The following FAM177B variants were observed in gnomAD, a reference collection of about 807,000 sequenced individuals.
The protein encoded by FAM177B is protein FAM177B.
A neutral mutation model predicts 16.1 loss-of-function variants in FAM177B; 16 were observed. The ratio of observed to expected loss-of-function variants is 0.99; its 90% confidence interval spans 0.67 to 1.51. The LOEUF (loss-of-function observed/expected upper bound fraction) is 1.51. Ranked by LOEUF, FAM177B falls within the 40% of genes most tolerant of loss-of-function variation. FAM177B has a pLI of 0.00. For missense variants in FAM177B, 178 were observed against 183.7 expected (o/e 0.97, Z 0.18); for synonymous variants, 56 against 59.9 (o/e 0.93, Z 0.30).
intron 2 of FAM177B, among the ~76,000 whole-genome samples, chr1:222,739,444 G>T (rs1026478264): frequency 6.6e-6 from 1 of 152,122 alleles, no homozygotes; most frequent in Non-Finnish European, 1.5e-5. Flanking sequence ...TGAACATTGG[G>T]ATGACCTGGG....
Position 222,746,633 on chromosome 1 carries a change from G to A in FAM177B, c.88G>A (p.Asp30Asn). 1 of 1,612,814 alleles carries A rather than the reference G, an allele frequency of 6.2e-7. No homozygotes were observed. The highest frequency in any genetic ancestry group is 8.5e-7 in the Non-Finnish European group (1 of 1,178,840). ...TTPKRIIHFV[D>N]GDIMEEYSTE... Reference sequence around the variant, plus strand: ...TCCTAAAAGGATTATCCATTTTGTTGACGGAGACATCATGGAAGAATATAG... The same window carrying A: ...TCCTAAAAGGATTATCCATTTTGTTAACGGAGACATCATGGAAGAATATAG... Residue 30 changes from aspartate (D) to asparagine (N), a missense_variant, in exon 3 of 6, where the codon GAC becomes AAC. By Grantham distance (23) the Asp-to-Asn change is conservative. Transcript: ENST00000445590.
chr1:222,746,656 T>C lies in FAM177B; in HGVS notation c.111T>C (p.Tyr37=), dbSNP rs138554889. Residue 37 remains tyrosine, a synonymous_variant, in exon 3 of 6, where the codon TAT becomes TAC. Coordinates refer to ENST00000445590, the MANE Select transcript of FAM177B (RefSeq NM_001394345.1). ...TTGACGGAGACATCATGGAAGAATA[T>C]AGCACAGAGGAGGAGGAGGAAGAGG... ...HFVDGDIMEE[Y]STEEEEEEEK... The C allele has an allele frequency of 3.1e-4, 499 of 1,613,612 alleles. No homozygotes were observed. Among genetic ancestry groups the C allele is most frequent in the Non-Finnish European group, 4.1e-4 (483 of 1,179,708 alleles).
At chr1:222,743,549 T>C (rs1658647684) in intron 2 of FAM177B, among the ~76,000 whole-genome samples, 4 of 152,170 alleles carry the variant, frequency 2.6e-5, no homozygotes, top group Admixed American at 2.6e-4. Context: ...CAGAGTTCAG[T>C]GGATTACACT....
At chr1:222,748,434 G>A (rs1284489359) in intron 4 of FAM177B, among the ~76,000 whole-genome samples, 1 of 152,146 alleles carries the variant, frequency 6.6e-6, no homozygotes, top group African/African-American at 2.4e-5. Flanking sequence ...GGTGAGCCTA[G>A]CTTCCTTGTG....
At chr1:222,749,893 A>G (rs771228743) in intron 5 of FAM177B, 28 bp from the exon 6 acceptor site, 6 of 1,612,966 alleles carry the variant, frequency 3.7e-6, no homozygotes, top group Non-Finnish European at 8.5e-7. Context: ...TGTACAGTTA[A>G]ACATTTCCTT....
rs139999015 is a variant in FAM177B at position 222,738,242 on chromosome 1, A to G, written c.-16+221A>G. On this transcript the variant is annotated intron_variant, in intron 2 of 5. Transcript: ENST00000445590. ...GGATAGTATTGAAAGCCACAGGGCCAAAGGAGATCATCAAGAAAGCAGATA... is the reference window on the plus strand; with the variant it reads ...GGATAGTATTGAAAGCCACAGGGCCGAAGGAGATCATCAAGAAAGCAGATA... 1.5e-3 allele frequency among the ~76,000 whole-genome samples: 226 copies of G among 152,316 alleles called. 6 individuals are homozygous for G. In the South Asian group the frequency reaches 0.021, roughly 14 times the overall value.
At chr1:222,748,496 T>C (rs1658902325) in intron 4 of FAM177B, among the ~76,000 whole-genome samples, 1 of 152,096 alleles carries the variant, frequency 6.6e-6, no homozygotes, top group Admixed American at 6.5e-5. Flanking sequence ...GGCTTCAAGA[T>C]TGTAGTGGAG....
intron 2 of FAM177B, among the ~76,000 whole-genome samples, chr1:222,744,647 C>G (rs1330918712): frequency 6.6e-6 from 1 of 152,072 alleles, no homozygotes; most frequent in Admixed American, 6.6e-5. Flanking sequence ...CTCATTTACT[C>G]TTCATTACAA....
chr1:222,744,882 T>C (rs1172100464), intron 2 of FAM177B, among the ~76,000 whole-genome samples: 2 of 152,234 alleles, frequency 1.3e-5, no homozygotes, highest in African/African-American at 4.8e-5. Context: ...ATTATGATCA[T>C]GATATCTATT....
intron 2 of FAM177B, among the ~76,000 whole-genome samples, chr1:222,741,077 T>C (rs1001978619): frequency 2.8e-5 from 4 of 143,620 alleles, no homozygotes; most frequent in African/African-American, 1.0e-4. Context: ...TTTTTTTTTT[T>C]TGAGACAGTC....
intron 3 of FAM177B, 41 bp from the exon 4 acceptor site, chr1:222,746,974 C>A: frequency 7.7e-7 from 1 of 1,300,654 alleles, no homozygotes; most frequent in Non-Finnish European, 1.1e-6. Flanking sequence ...AGTCACCATT[C>A]CTCTTATTAA....
Sources: allele counts gnomAD v4.1 joint callset (sites outside exome capture counted in the v4.1 genomes callset), GRCh38; gene constraint gnomAD v4.1.1; transcripts MANE v1.5; gene names NCBI Gene and HGNC (gene_info 2026-07-23, HGNC 2026-07-21).